The following KCNJ16 variants were observed in gnomAD, a reference collection of about 807,000 sequenced individuals.
The protein encoded by KCNJ16 is potassium inwardly rectifying channel subfamily J member 16, also known as inward rectifier potassium channel 16.
In KCNJ16, 15 loss-of-function variants were observed where a neutral mutation model predicts 18.5. The observed-to-expected ratio is 0.81, with a 90% confidence interval of 0.54 to 1.25. The LOEUF is 1.25. KCNJ16 is among the 50% of genes most tolerant of loss of function. KCNJ16 has a pLI of 0.00. For missense variants in KCNJ16, 523 were observed against 525.7 expected (o/e 0.99, Z 0.05); for synonymous variants, 174 against 186.5 (o/e 0.93, Z 0.55).
At chr17:70,110,616 G>A (rs751061806) in intron 2 of KCNJ16, among the ~76,000 whole-genome samples, 1 of 152,122 alleles carries the variant, frequency 6.6e-6, no homozygotes, top group African/African-American at 2.4e-5. Flanking sequence ...TTGGATCCAC[G>A]CAGTAGGAAG....
chr17:70,110,294 G>A (rs1002431690), intron 2 of KCNJ16, among the ~76,000 whole-genome samples: 3 of 152,010 alleles, frequency 2.0e-5, no homozygotes, highest in African/African-American at 4.8e-5. Flanking sequence ...TATATTAAAA[G>A]GCAAATGTTC....
At chr17:70,103,140 T>C (rs2072720407) in intron 2 of KCNJ16, among the ~76,000 whole-genome samples, 1 of 141,936 alleles carries the variant, frequency 7.0e-6, no homozygotes, top group African/African-American at 2.6e-5. Flanking sequence ...TATTTATATG[T>C]GTATATAATA....
intron 2 of KCNJ16, among the ~76,000 whole-genome samples, chr17:70,105,324 G>T (rs758980881): frequency 3.9e-5 from 6 of 152,126 alleles, no homozygotes; most frequent in Non-Finnish European, 8.8e-5. Flanking sequence ...ATCCATTAAG[G>T]GAAGTAACAT....
At chr17:70,076,493 G>A (rs1160697499) in intron 1 of KCNJ16, among the ~76,000 whole-genome samples, 1 of 152,178 alleles carries the variant, frequency 6.6e-6, no homozygotes, top group Non-Finnish European at 1.5e-5. Flanking sequence ...GAGTAACTTA[G>A]AGATGTAATC....
At chr17:70,129,946 ATTTT>A (rs869160272) in intron 2 of KCNJ16, among the ~76,000 whole-genome samples, 3 of 120,804 alleles carry the variant, frequency 2.5e-5, no homozygotes, top group Non-Finnish European at 5.5e-5. Context: ...TTATTTATTT[ATTTT>A]TTGGCAGAAG....
intron 2 of KCNJ16, among the ~76,000 whole-genome samples, chr17:70,118,636 A>G (rs1042665754): frequency 2.0e-5 from 3 of 152,002 alleles, no homozygotes; most frequent in African/African-American, 7.3e-5. Context: ...AGGTGCCACC[A>G]TTTTTAAATG....
rs941892044 is a variant in KCNJ16, at chr17:70,134,723, G to C, written c.*1379G>C. ...TTGCTGCACTGGCAATAAGTATGTG[G>C]CACTGTTTTTATTTGTTTATGTTAT... On this transcript the variant is annotated 3_prime_UTR_variant, in exon 4 of 4. Coordinates refer to ENST00000392671, the MANE Select transcript of KCNJ16 (RefSeq NM_170741.4). The C allele has an allele frequency of 1.2e-5, 2 of 166,684 alleles. No individual in the cohort carries two copies. The highest frequency in any genetic ancestry group is 4.8e-5 in the African/African-American group (2 of 41,408). The allele number at this position is 166,684 out of a possible 1,614,324, so 10.3% of individuals were successfully genotyped here. A position where few individuals can be genotyped will look rare whatever the true frequency, so the allele number is the denominator to read the frequency against.
Position 70,132,950 on chromosome 17 carries a change from C to A in KCNJ16, c.863C>A (p.Ser288Tyr), listed in dbSNP as rs764497852. 2.5e-6 allele frequency: 4 copies of A among 1,614,042 alleles called. No individual in the cohort carries two copies. Among genetic ancestry groups the A allele is most frequent in the Non-Finnish European group, 3.4e-6 (4 of 1,179,974 alleles). The change falls in exon 4 of 4, where the codon TCC becomes TAC. Residue 288 changes from serine to tyrosine, a missense_variant. Ser to Tyr is a moderately radical substitution (Grantham distance 144, BLOSUM62 -2). Transcript: ENST00000392671. ...GTGACATTTATCTATACTGGTGATTCCACTGGAACATCTCACCAATCTAGA... is the reference window on the plus strand; with the variant it reads ...GTGACATTTATCTATACTGGTGATTACACTGGAACATCTCACCAATCTAGA... ...ILVTFIYTGD[S>Y]TGTSHQSRSS...
chr17:70,131,411 T>A (rs1267239947), intron 3 of KCNJ16: 1 of 1,012,136 alleles, frequency 9.9e-7, no homozygotes, highest in African/African-American at 1.7e-5. Flanking sequence ...CTGTCAGTTC[T>A]GTTTGTCCTG....
intron 2 of KCNJ16, among the ~76,000 whole-genome samples, chr17:70,129,559 T>G (rs769821673): frequency 2.6e-5 from 4 of 152,154 alleles, no homozygotes; most frequent in Non-Finnish European, 5.9e-5. Context: ...AATGCGTTAT[T>G]TATATCGTTG....
In KCNJ16 at chr17:70,135,526, CTAAT is replaced by C. The variant is rs1466251099; in HGVS notation, c.*2185_*2188del. 2.4e-5 allele frequency: 4 copies of C among 166,946 alleles called. No homozygotes were observed. The highest frequency in any genetic ancestry group is 5.9e-5 in the Non-Finnish European group (4 of 68,112). The allele number at this position is 166,946 out of a possible 1,614,324, so 10.3% of individuals were successfully genotyped here. A position where few individuals can be genotyped will look rare whatever the true frequency, so the allele number is the denominator to read the frequency against. ...CAGCATTTCTATGTAACATATATCT[CTAAT>C]TATCTGTGTAATTTTATAACATACT... On this transcript the variant is annotated 3_prime_UTR_variant, in exon 4 of 4. Transcript: ENST00000392671.
At chr17:70,119,350 C>T (rs1224256569) in intron 2 of KCNJ16, among the ~76,000 whole-genome samples, 1 of 152,190 alleles carries the variant, frequency 6.6e-6, no homozygotes, top group Non-Finnish European at 1.5e-5. Flanking sequence ...CACATCTCCA[C>T]TAGGCAGTGC....
intron 2 of KCNJ16, among the ~76,000 whole-genome samples, chr17:70,122,698 G>C (rs553996733): frequency 6.6e-6 from 1 of 152,112 alleles, no homozygotes; most frequent in African/African-American, 2.4e-5. Context: ...AGACTGCCTC[G>C]TAGGGAGCTG....
intron 2 of KCNJ16, among the ~76,000 whole-genome samples, chr17:70,118,030 G>A (rs2073480780): frequency 1.3e-5 from 2 of 152,154 alleles, no homozygotes; most frequent in Admixed American, 6.6e-5. Context: ...GTAGGGGAGG[G>A]AAGACTTTCC....
Position 70,130,916 on chromosome 17 carries a change from T to C in KCNJ16, c.-153T>C. 8 of 1,520,516 alleles carry C rather than the reference T, an allele frequency of 5.3e-6. No individual in the cohort carries two copies. The highest frequency in any genetic ancestry group is 7.1e-6 in the Non-Finnish European group (8 of 1,132,864). The allele number at this position is 1,520,516 out of a possible 1,614,324, so 94.2% of individuals were successfully genotyped here. On this transcript the variant is annotated 5_prime_UTR_variant, in exon 3 of 4. Coordinates refer to ENST00000392671, the MANE Select transcript of KCNJ16 (RefSeq NM_170741.4). ...ATGATTTTGATGTTGCAGTTTTAAATTTCACTTTGACTTGAGCTGGGAAAT... is the reference window on the plus strand; with the variant it reads ...ATGATTTTGATGTTGCAGTTTTAAACTTCACTTTGACTTGAGCTGGGAAAT...
At chr17:70,130,999 G>A in intron 3 of KCNJ16, 24 bp downstream of exon 3, 2 of 1,534,228 alleles carry the variant, frequency 1.3e-6, no homozygotes, top group Non-Finnish European at 1.7e-6. Flanking sequence ...GTTCTGCCTT[G>A]ATGTTTTCAA....
chr17:70,107,572 A>T (rs2072990902), intron 2 of KCNJ16, among the ~76,000 whole-genome samples: 1 of 152,172 alleles, frequency 6.6e-6, no homozygotes, highest in Non-Finnish European at 1.5e-5. Flanking sequence ...ATGAAAATGA[A>T]AACAGGTCAG....
At chr17:70,131,211 A>G (rs1159067553) in intron 3 of KCNJ16, 1 of 715,124 alleles carries the variant, frequency 1.4e-6, no homozygotes, top group Non-Finnish European at 2.0e-6. Context: ...AAAAAAAAAG[A>G]AAGAAAGAAA....
intron 1 of KCNJ16, among the ~76,000 whole-genome samples, chr17:70,081,120 A>C (rs2071533965): frequency 6.6e-6 from 1 of 152,176 alleles, no homozygotes; most frequent in Non-Finnish European, 1.5e-5. Context: ...AAGTTTCCAG[A>C]ATATTAGAGA....
Sources: gnomAD v4.1 joint callset for allele counts (sites outside exome capture counted in the v4.1 genomes callset) on GRCh38, gnomAD v4.1.1 for gene constraint, MANE v1.5 for transcripts, NCBI Gene and HGNC (gene_info 2026-07-23, HGNC 2026-07-21) for gene names.